The following SLC9A8 variants were observed in gnomAD, a reference collection of about 807,000 sequenced individuals.
The protein encoded by SLC9A8 is solute carrier family 9 member A8, also known as sodium/hydrogen exchanger 8.
SLC9A8 carries 48 observed loss-of-function variants against 66.6 expected under a neutral mutation model. The observed-to-expected ratio is 0.72, with a 90% CI of 0.57 to 0.92. The LOEUF is 0.92. Ranked by LOEUF, SLC9A8 falls within the 40% of genes least tolerant of loss-of-function variation. The pLI, the probability that SLC9A8 is intolerant of heterozygous loss-of-function variation, is 0.00. For synonymous variants in SLC9A8, 274 were observed against 282.6 expected (o/e 0.97, Z 0.31); for missense variants, 599 against 747.3 (o/e 0.80, Z 2.31).
Position 49,888,330 on chromosome 20 carries a change from A to G in SLC9A8, c.*394A>G, listed in dbSNP as rs2089967103. 1 of 185,170 alleles carries G rather than the reference A, an allele frequency of 5.4e-6. No individual in the cohort carries two copies. The highest frequency in any genetic ancestry group is 1.2e-5 in the Non-Finnish European group (1 of 85,828). 11.5% of individuals were successfully genotyped at this position (185,170 alleles called of 1,614,324 possible). A position where few individuals can be genotyped will look rare whatever the true frequency, so the allele number is the denominator to read the frequency against. On this transcript the variant is annotated 3_prime_UTR_variant, in exon 16 of 16. Coordinates refer to ENST00000361573, the MANE Select transcript of SLC9A8 (RefSeq NM_015266.3). ...GTGCCATTCCCCAGCCACTGCCTTC[A>G]TGCTGCCCCCGCCGGACTGGCAGAG...
At chr20:49,822,413 G>T (rs573789534) in intron 2 of SLC9A8, among the ~76,000 whole-genome samples, 3 of 152,242 alleles carry the variant, frequency 2.0e-5, no homozygotes, top group Admixed American at 2.0e-4. Flanking sequence ...CTTCCAAAAA[G>T]TTGAAGACCA....
chr20:49,838,666 C>G (rs532592863), intron 3 of SLC9A8, among the ~76,000 whole-genome samples: 1 of 152,148 alleles, frequency 6.6e-6, no homozygotes, highest in Non-Finnish European at 1.5e-5. Flanking sequence ...TCCATCTTCT[C>G]GTTGATGGCG....
intron 3 of SLC9A8, among the ~76,000 whole-genome samples, chr20:49,828,656 T>A (rs572471035): frequency 8.0e-5 from 12 of 150,942 alleles, no homozygotes; most frequent in Admixed American, 4.6e-4. Flanking sequence ...CTGGCCAACA[T>A]GGCAAAACCT....
chr20:49,830,686 T>TA, intron 3 of SLC9A8: 1 of 668,472 alleles, frequency 1.5e-6, no homozygotes, highest in African/African-American at 1.8e-5. Flanking sequence ...TTCCAGGCGA[T>TA]AGGGAAGACC....
At chr20:49,829,871 G>A in intron 3 of SLC9A8, 1 of 567,500 alleles carries the variant, frequency 1.8e-6, no homozygotes, top group South Asian at 1.4e-5. Flanking sequence ...AAAGAAGGGG[G>A]TGTCTTCGGG....
chr20:49,884,293 C>CACACACACACACACACG (rs1568884311), intron 14 of SLC9A8: 14 of 283,288 alleles, frequency 4.9e-5, no homozygotes, highest in African/African-American at 3.0e-4. Flanking sequence ...ACACACGACA[C>CACACACACACACACACG]ACACACACAC....
intron 8 of SLC9A8, among the ~76,000 whole-genome samples, chr20:49,857,176 C>T (rs1036288967): frequency 2.6e-5 from 4 of 152,094 alleles, no homozygotes; most frequent in Admixed American, 6.5e-5. Flanking sequence ...CTCCAAAGCA[C>T]GTGGAGAAAA....
chr20:49,867,573 G>C (rs2089027216), intron 10 of SLC9A8, among the ~76,000 whole-genome samples: 1 of 152,164 alleles, frequency 6.6e-6, no homozygotes, highest in Non-Finnish European at 1.5e-5. Flanking sequence ...GGACTTTACA[G>C]TAGATGTCCA....
Position 49,886,186 on chromosome 20 carries a change from G to A in SLC9A8, c.1492-566G>A, listed in dbSNP as rs931866172. On this transcript the variant is annotated intron_variant, in intron 14 of 15. Transcript: ENST00000361573. The surrounding 1 kb of genome is among the most constrained non-coding windows in gnomAD (Gnocchi z 4.8). The stretch of plus-strand genomic sequence containing the variant: ...CTGAGACTCCTCCAGCAGAGCAGGC[G>A]CTGCACTCAGAGCCTGTCTGCTTTG... 2.8e-4 allele frequency among the ~76,000 whole-genome samples: 43 copies of A among 151,660 alleles called. No homozygotes were observed. Among genetic ancestry groups the A allele is most frequent in the African/African-American group, 9.7e-4 (40 of 41,202 alleles).
chr20:49,860,251 A>T (rs765144978), intron 8 of SLC9A8, among the ~76,000 whole-genome samples: 4 of 152,104 alleles, frequency 2.6e-5, no homozygotes, highest in Non-Finnish European at 5.9e-5. Flanking sequence ...GGGATTGGGG[A>T]GATTGTTTGT....
At chr20:49,815,502 A>G (rs73123843) in intron 2 of SLC9A8, 4,931 of 201,242 alleles carry the variant, frequency 0.025, 71 homozygotes, top group African/African-American at 0.035. Flanking sequence ...ACATCTCAGC[A>G]CTTTGGGAGA....
chr20:49,830,568 C>T (rs1003109808), intron 3 of SLC9A8: 14 of 612,668 alleles, frequency 2.3e-5, no homozygotes, highest in Non-Finnish European at 3.8e-5. Context: ...GTCGGGGGGT[C>T]GCTTTCCAGA....
intron 5 of SLC9A8, among the ~76,000 whole-genome samples, chr20:49,848,652 G>A (rs1485466717): frequency 6.6e-6 from 1 of 152,164 alleles, no homozygotes; most frequent in Non-Finnish European, 1.5e-5. Context: ...CTACCATGCT[G>A]CTTGAACTTG....
chr20:49,881,187 C>A, intron 13 of SLC9A8, 152 bp downstream of exon 13: 1 of 625,062 alleles, frequency 1.6e-6, no homozygotes. Context: ...CAAGATGGTG[C>A]CCCTCACCAT....
At chr20:49,832,437 C>T (rs1229673959) in intron 3 of SLC9A8, among the ~76,000 whole-genome samples, 3 of 152,110 alleles carry the variant, frequency 2.0e-5, no homozygotes, top group Non-Finnish European at 4.4e-5. Context: ...GACCAGAGGG[C>T]GCTTGGGATG....
intron 2 of SLC9A8, among the ~76,000 whole-genome samples, chr20:49,820,860 A>T (rs577722623): frequency 1.1e-3 from 161 of 152,222 alleles, no homozygotes; most frequent in African/African-American, 3.6e-3. Context: ...TGTATTTTTT[A>T]AAAAATCTTA....
rs1393677828 is a variant in SLC9A8, at chr20:49,888,778, T to A, written c.*842T>A. 1 of 152,492 alleles carries A rather than the reference T, an allele frequency of 6.6e-6. No homozygotes were observed. The highest frequency in any genetic ancestry group is 2.4e-5 in the African/African-American group (1 of 41,454). 9.4% of individuals were successfully genotyped at this position (152,492 alleles called of 1,614,324 possible). On this transcript the variant is annotated 3_prime_UTR_variant, in exon 16 of 16. Coordinates refer to ENST00000361573, the MANE Select transcript of SLC9A8 (RefSeq NM_015266.3). ...GAGAGCCTCTAGTCGCCTCCTGCCA[T>A]CTGATCTCCCTCCCCACCATTCCCG...
intron 10 of SLC9A8, among the ~76,000 whole-genome samples, chr20:49,870,302 G>A (rs188420704): frequency 6.6e-6 from 1 of 152,234 alleles, no homozygotes; most frequent in Admixed American, 6.5e-5. Flanking sequence ...GACAAGAAGA[G>A]AAATTAAAGC....
At position 49,892,137 on chromosome 20, in the gene SLC9A8, C is replaced by T. The variant is rs544649448; in HGVS notation, c.*4201C>T. The T allele has an allele frequency of 6.6e-6, 1 of 152,308 alleles. No individual in the cohort carries two copies. The highest frequency in any genetic ancestry group is 1.9e-4 in the East Asian group (1 of 5,176). The allele number at this position is 152,308 out of a possible 1,614,324, so 9.4% of individuals were successfully genotyped here. On this transcript the variant is annotated 3_prime_UTR_variant, in exon 16 of 16. Transcript: ENST00000361573. ...GGACCTGTGGCTGCCATGCAGGAGCCCCTGCGTCATCTCGTTGGACTCTTT... is the reference window on the plus strand; with the variant it reads ...GGACCTGTGGCTGCCATGCAGGAGCTCCTGCGTCATCTCGTTGGACTCTTT...
Sources: gnomAD v4.1 joint callset for allele counts (sites outside exome capture counted in the v4.1 genomes callset) on GRCh38, gnomAD v4.1.1 for gene constraint, Gnocchi (gnomAD v3.1) non-coding constraint, MANE v1.5 for transcripts, NCBI Gene and HGNC (gene_info 2026-07-23, HGNC 2026-07-21) for gene names.